RESF1: variants seen among roughly 807,000 people sequenced by gnomAD.
RESF1 encodes the protein gonad expressed transcript.
Under a neutral mutation model 134.7 loss-of-function variants are expected in RESF1, and 65 were observed. That is an observed-to-expected ratio of 0.48 (90% CI 0.40 to 0.59). RESF1 has a LOEUF of 0.59. Ranked by LOEUF, RESF1 falls within the 20% of genes least tolerant of loss-of-function variation. RESF1 has a pLI of 0.00. For synonymous variants in RESF1, 762 were observed against 702.2 expected (o/e 1.09, Z -1.35); for missense variants, 2,274 against 2,002.7 (o/e 1.14, Z -2.59).
chr12:31,986,148 C>T (rs937077116), intron 4 of RESF1, among the ~76,000 whole-genome samples, 191 bp downstream of exon 4: 3 of 152,022 alleles, frequency 2.0e-5, no homozygotes, highest in Non-Finnish European at 4.4e-5. Flanking sequence ...TCATTGCCAC[C>T]TTATTGTAAA....
chr12:31,975,264 GA>G (rs373522445), intron 3 of RESF1, among the ~76,000 whole-genome samples: 4 of 149,776 alleles, frequency 2.7e-5, no homozygotes, highest in Admixed American at 6.7e-5. Flanking sequence ...GACTCCATCT[GA>G]AAAAAAAAGA....
rs935906759 is a variant in RESF1 at position 31,985,427 on chromosome 12, G to A, written c.4472G>A (p.Cys1491Tyr). Residue 1491 changes from cysteine (C) to tyrosine (Y), a missense_variant, in exon 4 of 6, where the codon TGT becomes TAT. Physicochemically the swap from Cys to Tyr is radical, Grantham distance 194. Coordinates refer to ENST00000312561, the MANE Select transcript of RESF1 (RefSeq NM_018169.4). ...PSKLAVQVES[C>Y]GKSNEKHSSG... ...AAACTTGCCGTGCAGGTTGAAAGTTGTGGGAAATCAAATGAGAAACACAGC... is the reference window on the plus strand; with the variant it reads ...AAACTTGCCGTGCAGGTTGAAAGTTATGGGAAATCAAATGAGAAACACAGC... 1 of 1,606,210 alleles carries A rather than the reference G, an allele frequency of 6.2e-7. No homozygotes were observed.
Position 31,985,533 on chromosome 12 carries a change from G to T in RESF1, c.4578G>T (p.Glu1526Asp). 2 of 1,599,404 alleles carry T rather than the reference G, an allele frequency of 1.3e-6. No individual in the cohort carries two copies. The highest frequency in any genetic ancestry group is 2.3e-5 in the South Asian group (2 of 88,096). Reference sequence around the variant, plus strand: ...ACCTCAAAATCCACCATTCTCAGGAGTCTAAAACATACAACATTCTAAGGA... The same window carrying T: ...ACCTCAAAATCCACCATTCTCAGGATTCTAAAACATACAACATTCTAAGGA... Reference protein sequence around the residue: ...GKNLKIHHSQESKTYNILRNV... With the variant: ...GKNLKIHHSQDSKTYNILRNV... Residue 1526 changes from glutamate (E) to aspartate (D), a missense_variant, in exon 4 of 6, where the codon GAG becomes GAT. By Grantham distance (45) the Glu-to-Asp change is conservative (BLOSUM62 2). Transcript: ENST00000312561.
At chr12:31,986,651 A>G (rs749418093) in intron 4 of RESF1, among the ~76,000 whole-genome samples, 9 of 152,192 alleles carry the variant, frequency 5.9e-5, no homozygotes, top group Non-Finnish European at 5.9e-5. Context: ...AAAATTGATA[A>G]CTAGTTGTTC....
Position 31,979,327 on chromosome 12 carries a change from ACCTGATGT to A in RESF1, c.-78-1550_-78-1543del, listed in dbSNP as rs1418365395. ...ATTTGATTCAGTTCTGACACTGTCTACCTGATGTTACCATCAGAACCCACAAGTTAAAG... is the reference window on the plus strand; with the variant it reads ...ATTTGATTCAGTTCTGACACTGTCTATACCATCAGAACCCACAAGTTAAAG... On this transcript the variant is annotated intron_variant, in intron 3 of 5. Coordinates refer to ENST00000312561, the MANE Select transcript of RESF1 (RefSeq NM_018169.4). 3.9e-5 allele frequency among the ~76,000 whole-genome samples: 6 copies of A among 152,272 alleles called. No homozygotes were observed. The East Asian group carries it at 5.8e-4, about 15-fold the overall frequency.
At chr12:31,977,686 C>T (rs543202175) in intron 3 of RESF1, among the ~76,000 whole-genome samples, 7 of 152,086 alleles carry the variant, frequency 4.6e-5, no homozygotes, top group South Asian at 2.1e-4. Context: ...TGTATGTCTT[C>T]GCTATTCATG....
rs1159083784 is a variant in RESF1, at chr12:31,984,068, G to T, written c.3113G>T (p.Arg1038Ile). The change falls in exon 4 of 6, where the codon AGA (arginine) becomes ATA (isoleucine). Residue 1038 changes from arginine to isoleucine, a missense_variant. Arg to Ile is a moderately conservative substitution (Grantham distance 97). Transcript: ENST00000312561. ...AACTATACTCCCCAAGATCCTGCAA[G>T]AAATGAAATCCACAGTGATAAGGCA... Reference protein sequence around the residue: ...SSNYTPQDPARNEIHSDKAPV... With the variant: ...SSNYTPQDPAINEIHSDKAPV... The T allele has an allele frequency of 2.5e-6, 4 of 1,613,950 alleles. No individual in the cohort carries two copies. The South Asian group carries it at 3.3e-5, about 13-fold the overall frequency.
intron 4 of RESF1, among the ~76,000 whole-genome samples, chr12:31,986,970 A>G (rs1186818416): frequency 6.6e-6 from 1 of 152,072 alleles, no homozygotes; most frequent in Non-Finnish European, 1.5e-5. Context: ...TTTCTATCTC[A>G]TGTGTCCTTT....
rs763039871 is a variant in RESF1 at position 31,984,188 on chromosome 12, A to G, written c.3233A>G (p.Gln1078Arg). The change falls in exon 4 of 6, where the codon CAG (glutamine) becomes CGG (arginine). Residue 1078 changes from glutamine to arginine, a missense_variant. By Grantham distance (43) the Gln-to-Arg change is conservative. Coordinates refer to ENST00000312561, the MANE Select transcript of RESF1 (RefSeq NM_018169.4). ...AATACACGTGAAGGTTCTGTGGGCCAGCAAACTACATACCAGACCTCAGAA... is the reference window on the plus strand; with the variant it reads ...AATACACGTGAAGGTTCTGTGGGCCGGCAAACTACATACCAGACCTCAGAA... ...AVNTREGSVGQQTTYQTSEDQ... is the reference protein window; with the variant it reads ...AVNTREGSVGRQTTYQTSEDQ... 2 of 1,613,374 alleles carry G rather than the reference A, an allele frequency of 1.2e-6. No individual in the cohort carries two copies. The highest frequency in any genetic ancestry group is 1.7e-5 in the Admixed American group (1 of 59,798).
At position 31,981,970 on chromosome 12, in the gene RESF1, A is replaced by T; in HGVS notation, c.1015A>T (p.Asn339Tyr). 6.2e-7 allele frequency: 1 copy of T among 1,614,220 alleles called. No individual in the cohort carries two copies. The highest frequency in any genetic ancestry group is 1.1e-5 in the South Asian group (1 of 91,084). ...ENVSTIGNFT[N>Y]LKVNTNSKQP... is the part of the protein sequence containing the mutation. ...TGTCAGCACAATTGGAAATTTCACT[A>T]ACTTGAAAGTAAATACCAACAGCAA... Residue 339 changes from asparagine to tyrosine, a missense_variant, in exon 4 of 6, where the codon AAC becomes TAC. Asn to Tyr is a moderately radical substitution (Grantham distance 143, BLOSUM62 -2). Coordinates refer to ENST00000312561, the MANE Select transcript of RESF1 (RefSeq NM_018169.4).
At chr12:31,960,917 G>T (rs1349603066) in intron 2 of RESF1, 46 bp downstream of exon 2, 1 of 152,192 alleles carries the variant, frequency 6.6e-6, no homozygotes, top group African/African-American at 2.4e-5. Context: ...TAACCAGGCG[G>T]TTATTCACAC....
chr12:31,973,825 G>T lies in RESF1; in HGVS notation c.-79+3469G>T, dbSNP rs186246154. On this transcript the variant is annotated intron_variant, in intron 3 of 5. Transcript: ENST00000312561. ...ATCTCTGGTCACCAGAATGTATTTG[G>T]ATTTCTTCCCATCCGCAAACTGTTT... Among the ~76,000 whole-genome samples, 15 of 152,194 alleles carry T rather than the reference G, an allele frequency of 9.9e-5. No individual in the cohort carries two copies. In the East Asian group the frequency reaches 2.9e-3, roughly 29 times the overall value.
Position 31,985,048 on chromosome 12 carries a change from A to G in RESF1, c.4093A>G (p.Lys1365Glu). The G allele has an allele frequency of 6.3e-7, 1 of 1,585,174 alleles. No homozygotes were observed. Among genetic ancestry groups the G allele is most frequent in the Non-Finnish European group, 8.5e-7 (1 of 1,171,792 alleles). The change falls in exon 4 of 6, where the codon AAA becomes GAA. Residue 1365 changes from lysine to glutamate, a missense_variant. Lys to Glu is a moderately conservative substitution (Grantham distance 56, BLOSUM62 1). Coordinates refer to ENST00000312561, the MANE Select transcript of RESF1 (RefSeq NM_018169.4). ...QSLSPEKIKL[K>E]LKSVSFKQKR... ...ATTATCACCAGAAAAGATAAAATTGAAACTCAAATCAGTTAGCTTCAAACA... is the reference window on the plus strand; with the variant it reads ...ATTATCACCAGAAAAGATAAAATTGGAACTCAAATCAGTTAGCTTCAAACA...
Position 31,984,805 on chromosome 12 carries a change from G to A in RESF1, c.3850G>A (p.Asp1284Asn), listed in dbSNP as rs1445882010. Residue 1284 changes from aspartate (D) to asparagine (N), a missense_variant, in exon 4 of 6, where the codon GAT becomes AAT. Coordinates refer to ENST00000312561, the MANE Select transcript of RESF1 (RefSeq NM_018169.4). ...LVAGQFSSKC[D>N]KLNPLQNHKR... is the part of the protein sequence containing the mutation. ...TGCTGGTCAGTTTTCATCTAAATGTGATAAACTAAATCCCTTGCAAAATCA... is the reference window on the plus strand; with the variant it reads ...TGCTGGTCAGTTTTCATCTAAATGTAATAAACTAAATCCCTTGCAAAATCA... 6.2e-7 allele frequency: 1 copy of A among 1,609,886 alleles called. No individual in the cohort carries two copies. The highest frequency in any genetic ancestry group is 8.5e-7 in the Non-Finnish European group (1 of 1,179,144).
intron 3 of RESF1, among the ~76,000 whole-genome samples, chr12:31,977,192 T>G (rs1939655675): frequency 6.6e-6 from 1 of 152,200 alleles, no homozygotes; most frequent in African/African-American, 2.4e-5. Flanking sequence ...ATTCTCATGT[T>G]TTTTTGAGAT....
Position 31,985,320 on chromosome 12 carries a change from T to C in RESF1, c.4365T>C (p.His1455=). 6.2e-7 allele frequency: 1 copy of C among 1,612,346 alleles called. No homozygotes were observed. The highest frequency in any genetic ancestry group is 8.5e-7 in the Non-Finnish European group (1 of 1,179,644). ...AGGAGTATTTACAAAGGCAGAAGCA[T>C]AAAGAAGCTCTGAGTAATAAAGCAT... The part of the protein sequence containing the change: ...TPKEYLQRQK[H]KEALSNKASK... Residue 1455 remains histidine (H), a synonymous_variant, in exon 4 of 6, where the codon CAT becomes CAC. Transcript: ENST00000312561.
chr12:31,968,128 GT>G (rs1939438246), intron 2 of RESF1, among the ~76,000 whole-genome samples: 1 of 152,086 alleles, frequency 6.6e-6, no homozygotes, highest in South Asian at 2.1e-4. Context: ...TGCAAGTCAG[GT>G]TTTCAATGAA....
At chr12:31,986,366 A>C (rs981727067) in intron 4 of RESF1, among the ~76,000 whole-genome samples, 19 of 152,154 alleles carry the variant, frequency 1.2e-4, no homozygotes, top group African/African-American at 4.6e-4. Context: ...TGAACTTGAA[A>C]TTTTGTTCTG....
At chr12:31,969,677 C>T (rs1158019242) in intron 2 of RESF1, among the ~76,000 whole-genome samples, 1 of 152,134 alleles carries the variant, frequency 6.6e-6, no homozygotes, top group Admixed American at 6.5e-5. Flanking sequence ...CTTGCTCTGT[C>T]GCACAGTCTG....
Sources: gnomAD v4.1 joint callset for allele counts (sites outside exome capture counted in the v4.1 genomes callset) on GRCh38, gnomAD v4.1.1 for gene constraint, MANE v1.5 for transcripts, NCBI Gene and HGNC (gene_info 2026-07-23, HGNC 2026-07-21) for gene names.